Variants in GALNT2 observed in about 807,000 individuals in gnomAD.
GALNT2 encodes polypeptide N-acetylgalactosaminyltransferase 2.
GALNT2 carries 31 observed loss-of-function variants against 81.4 expected under a neutral mutation model. The observed-to-expected ratio is 0.38, with a 90% CI of 0.29 to 0.51. GALNT2 has a LOEUF of 0.51. GALNT2 is among the 20% of genes least tolerant of loss of function. The pLI is 0.87. For missense variants in GALNT2, 629 were observed against 765.7 expected, an observed-to-expected ratio of 0.82 and a Z score of 2.11; for synonymous variants, 303 against 287.4, an observed-to-expected ratio of 1.05 and a Z score of -0.55.
chr1:230,138,728 G>A (rs1033457211), intron 1 of GALNT2, among the ~76,000 whole-genome samples: 18 of 152,198 alleles, frequency 1.2e-4, no homozygotes, highest in African/African-American at 2.4e-4. Context: ...GACCATCTAC[G>A]GTAACTTCTT....
chr1:230,216,752 A>G (rs1206370269), intron 3 of GALNT2, among the ~76,000 whole-genome samples: 1 of 152,108 alleles, frequency 6.6e-6, no homozygotes, highest in Non-Finnish European at 1.5e-5. Flanking sequence ...GTTAAATGTT[A>G]ATGGTAGAAC....
intron 3 of GALNT2, among the ~76,000 whole-genome samples, chr1:230,217,673 G>T (rs1664431796): frequency 6.6e-6 from 1 of 152,240 alleles, no homozygotes; most frequent in Non-Finnish European, 1.5e-5. Flanking sequence ...GGCTCACATT[G>T]TCTGGTGAGA....
chr1:230,247,976 C>T (rs994079427), intron 8 of GALNT2, among the ~76,000 whole-genome samples: 3 of 152,180 alleles, frequency 2.0e-5, no homozygotes, highest in African/African-American at 7.2e-5. Flanking sequence ...TCCTTCGTGG[C>T]CTTTGAGGCA....
At chr1:230,079,107 T>A (rs1285595474) in intron 1 of GALNT2, among the ~76,000 whole-genome samples, 2 of 152,264 alleles carry the variant, frequency 1.3e-5, no homozygotes, top group East Asian at 3.8e-4. Context: ...GAGCTGTGGA[T>A]GACTTGGGAA....
At chr1:230,211,154 C>T (rs963633089) in intron 3 of GALNT2, among the ~76,000 whole-genome samples, 4 of 152,160 alleles carry the variant, frequency 2.6e-5, no homozygotes, top group East Asian at 1.9e-4. Flanking sequence ...AAACATGCGC[C>T]GCTGGCCTCC....
chr1:230,210,473 G>A (rs1031978219), intron 3 of GALNT2, among the ~76,000 whole-genome samples: 6 of 152,206 alleles, frequency 3.9e-5, no homozygotes, highest in African/African-American at 1.2e-4. Context: ...CATTTAAAAT[G>A]TGGGGTTTTG....
intron 1 of GALNT2, among the ~76,000 whole-genome samples, chr1:230,060,592 A>G (rs1011076503): frequency 2.6e-5 from 4 of 152,046 alleles, no homozygotes; most frequent in Non-Finnish European, 4.4e-5. Context: ...CTGTTGAAAG[A>G]CATTTGAAGA....
intron 1 of GALNT2, among the ~76,000 whole-genome samples, chr1:230,150,410 A>G (rs1662056687): frequency 6.6e-6 from 1 of 152,230 alleles, no homozygotes; most frequent in South Asian, 2.1e-4. Flanking sequence ...TCCTTTTTCA[A>G]CCTTTGAAAC....
At chr1:230,194,399 G>T (rs867556396) in intron 2 of GALNT2, among the ~76,000 whole-genome samples, 1 of 152,136 alleles carries the variant, frequency 6.6e-6, no homozygotes, top group Non-Finnish European at 1.5e-5. Context: ...CTCCTGCAGG[G>T]GTCCAGAGCC....
intron 11 of GALNT2, among the ~76,000 whole-genome samples, chr1:230,259,244 T>C (rs766887124): frequency 2.0e-5 from 3 of 152,264 alleles, no homozygotes; most frequent in Non-Finnish European, 4.4e-5. Context: ...ATATGGAATA[T>C]TTATATGTAC....
intron 1 of GALNT2, among the ~76,000 whole-genome samples, chr1:230,062,033 C>T (rs75879691): frequency 0.052 from 7,850 of 152,166 alleles, 255 homozygotes; most frequent in Non-Finnish European, 0.076. Flanking sequence ...GGACGTCTTC[C>T]TTATTTATTT....
chr1:230,141,034 A>T (rs1479034002), intron 1 of GALNT2, among the ~76,000 whole-genome samples: 1 of 152,272 alleles, frequency 6.6e-6, no homozygotes, highest in Non-Finnish European at 1.5e-5. Flanking sequence ...GAAACAAATG[A>T]CAAACGAAAC....
At chr1:230,121,096 G>A (rs1571985383) in intron 1 of GALNT2, among the ~76,000 whole-genome samples, 1 of 152,230 alleles carries the variant, frequency 6.6e-6, no homozygotes, top group East Asian at 1.9e-4. Context: ...TCTGAAGGGA[G>A]GATGTTTAAC....
At chr1:230,167,738 T>C (rs143489489) in intron 1 of GALNT2, among the ~76,000 whole-genome samples, 1 of 152,156 alleles carries the variant, frequency 6.6e-6, no homozygotes, top group African/African-American at 2.4e-5. Flanking sequence ...GGGTGTGAAA[T>C]GTGCAGGGCT....
chr1:230,267,593 C>G (rs1666069491), intron 14 of GALNT2, among the ~76,000 whole-genome samples: 1 of 152,208 alleles, frequency 6.6e-6, no homozygotes, highest in African/African-American at 2.4e-5. Flanking sequence ...GCCTGAGGGA[C>G]CAGTTTTAGG....
rs146783593 is a variant in GALNT2 at position 230,224,725 on chromosome 1, C to T, written c.375-11289C>T. On this transcript the variant is annotated intron_variant, in intron 3 of 15. Coordinates refer to ENST00000366672, the MANE Select transcript of GALNT2 (RefSeq NM_004481.5). ...GCGAAGAGTGTGTTTTTGGATTCTC[C>T]GCTTGGCCTGAGTGTGTGTGCATGT... 5.4e-3 allele frequency among the ~76,000 whole-genome samples: 816 copies of T among 152,262 alleles called. 2 individuals carry two copies. Among genetic ancestry groups the T allele is most frequent in the Non-Finnish European group, 8.0e-3 (542 of 68,022 alleles).
chr1:230,225,217 G>A (rs11122470), intron 3 of GALNT2, among the ~76,000 whole-genome samples: 11,876 of 152,222 alleles, frequency 0.078, 957 homozygotes, highest in African/African-American at 0.19. Context: ...TTATACAACA[G>A]CTAATGAACT....
In GALNT2 at chr1:230,275,736, T is replaced by C. The variant is rs1337968647; in HGVS notation, c.1560+1172T>C. Among the ~76,000 whole-genome samples, 1 of 147,880 alleles carries C rather than the reference T, an allele frequency of 6.8e-6. No homozygotes were observed. Among genetic ancestry groups the C allele is most frequent in the African/African-American group, 2.5e-5 (1 of 39,466 alleles). On this transcript the variant is annotated intron_variant, in intron 15 of 15. Coordinates refer to ENST00000366672, the MANE Select transcript of GALNT2 (RefSeq NM_004481.5). This position sits in a 1 kb window ranked among gnomAD's most constrained non-coding sequence, Gnocchi z 5.5. ...CACATATACACACCACATATATATA[T>C]ACAAACACCACATATATATACATAT...
At chr1:230,153,700 T>C (rs1206468018) in intron 1 of GALNT2, among the ~76,000 whole-genome samples, 1 of 152,212 alleles carries the variant, frequency 6.6e-6, no homozygotes, top group Non-Finnish European at 1.5e-5. Context: ...GTGAAAAGTT[T>C]CTTTTGTCAG....
Sources: gnomAD v4.1 joint callset for allele counts (sites outside exome capture counted in the v4.1 genomes callset) on GRCh38, gnomAD v4.1.1 for gene constraint, Gnocchi (gnomAD v3.1) non-coding constraint, MANE v1.5 for transcripts, NCBI Gene and HGNC (gene_info 2026-07-23, HGNC 2026-07-21) for gene names.